KIAA1549L: variants seen among roughly 807,000 people sequenced by gnomAD.
KIAA1549L encodes UPF0606 protein KIAA1549L.
A neutral mutation model predicts 160.7 loss-of-function variants in KIAA1549L; 88 were observed. The observed-to-expected ratio is 0.55, with a 90% CI of 0.46 to 0.65. KIAA1549L has a LOEUF of 0.65. KIAA1549L is among the 30% of genes least tolerant of loss of function. The probability of loss-of-function intolerance (pLI) is 0.00; values close to 1 mark genes in which losing one functional copy is unlikely to be tolerated. For missense variants in KIAA1549L, 2,258 were observed against 2,437.5 expected (o/e 0.93, Z 1.55); for synonymous variants, 950 against 976.7 (o/e 0.97, Z 0.51).
intron 10 of KIAA1549L, among the ~76,000 whole-genome samples, chr11:33,582,387 G>A (rs1294628526): frequency 6.6e-6 from 1 of 152,134 alleles, no homozygotes; most frequent in African/African-American, 2.4e-5. Flanking sequence ...ATATTCTAGG[G>A]TCTGGGCCTC....
chr11:33,576,223 C>T (rs1855442903), intron 10 of KIAA1549L, among the ~76,000 whole-genome samples: 1 of 152,172 alleles, frequency 6.6e-6, no homozygotes, highest in African/African-American at 2.4e-5. Flanking sequence ...TGACACCTGG[C>T]TCATGGTCTT....
chr11:33,521,287 G>A (rs916806881), intron 1 of KIAA1549L, among the ~76,000 whole-genome samples: 1 of 152,210 alleles, frequency 6.6e-6, no homozygotes, highest in Non-Finnish European at 1.5e-5. Context: ...GGATACAGTT[G>A]CGGTTAAGAA....
At chr11:33,463,595 C>T (rs1341597856) in intron 1 of KIAA1549L, among the ~76,000 whole-genome samples, 1 of 152,126 alleles carries the variant, frequency 6.6e-6, no homozygotes, top group Non-Finnish European at 1.5e-5. Context: ...GAAAAAGTGG[C>T]TTGAAATAAA....
At chr11:33,598,773 C>T in intron 12 of KIAA1549L, 47 bp from the exon 13 acceptor site, 1 of 1,610,326 alleles carries the variant, frequency 6.2e-7, no homozygotes. Flanking sequence ...GAGGCGGCTG[C>T]TCTAGTTGAA....
Position 33,452,468 on chromosome 11 carries a change from C to T in KIAA1549L, c.238+75579C>T, listed in dbSNP as rs572283966. Among the ~76,000 whole-genome samples the T allele has an allele frequency of 9.7e-4, 147 of 152,138 alleles. 1 individual carries two copies. The highest frequency in any genetic ancestry group is 3.4e-3 in the Middle Eastern group (1 of 294). ...TAAAAATACAAAAAAATTAGCCAGGCGTAGTGGCGGGCAGCTGTAGTCCCA... is the reference window on the plus strand; with the variant it reads ...TAAAAATACAAAAAAATTAGCCAGGTGTAGTGGCGGGCAGCTGTAGTCCCA... On this transcript the variant is annotated intron_variant, in intron 1 of 20. Coordinates refer to ENST00000658780, the MANE Select transcript of KIAA1549L (RefSeq NM_012194.3).
At chr11:33,496,878 T>C (rs1852833335) in intron 1 of KIAA1549L, among the ~76,000 whole-genome samples, 2 of 152,208 alleles carry the variant, frequency 1.3e-5, no homozygotes, top group South Asian at 4.1e-4. Context: ...TGTATAATTC[T>C]TCCCTTTGCA....
At chr11:33,608,874 T>C (rs1289502360) in intron 14 of KIAA1549L, among the ~76,000 whole-genome samples, 1 of 152,224 alleles carries the variant, frequency 6.6e-6, no homozygotes, top group African/African-American at 2.4e-5. Context: ...TCTTCCTCCT[T>C]CTATTGTGGG....
At chr11:33,648,078 T>G (rs1851776280) in intron 17 of KIAA1549L, among the ~76,000 whole-genome samples, 1 of 152,176 alleles carries the variant, frequency 6.6e-6, no homozygotes, top group South Asian at 2.1e-4. Context: ...CACTGCAACC[T>G]CTGCCTCCCA....
At chr11:33,538,188 C>T (rs1853935726) in intron 1 of KIAA1549L, among the ~76,000 whole-genome samples, 1 of 152,214 alleles carries the variant, frequency 6.6e-6, no homozygotes, top group Admixed American at 6.5e-5. Context: ...AGAACTCACT[C>T]ACTATCCTGA....
At chr11:33,632,200 T>A (rs1268319725) in intron 16 of KIAA1549L, among the ~76,000 whole-genome samples, 1 of 152,212 alleles carries the variant, frequency 6.6e-6, no homozygotes, top group Non-Finnish European at 1.5e-5. Flanking sequence ...TTCCTCTGCA[T>A]TATACACAGG....
chr11:33,502,052 A>G (rs1852961823), intron 1 of KIAA1549L, among the ~76,000 whole-genome samples: 2 of 152,190 alleles, frequency 1.3e-5, no homozygotes, highest in African/African-American at 4.8e-5. Flanking sequence ...GAATTCAGAA[A>G]CTTAGGAGAG....
Position 33,568,094 on chromosome 11 carries a change from A to G in KIAA1549L, c.4097A>G (p.Asn1366Ser), listed in dbSNP as rs1219409994. The change falls in exon 9 of 21, where the codon AAT (asparagine) becomes AGT (serine). Residue 1366 changes from asparagine (N) to serine (S), a missense_variant. Around this residue, in one of 6 missense-constraint regions of KIAA1549L, gnomAD observed 1,359 missense variants for 1,546.6 expected, o/e 0.88. Transcript: ENST00000658780. ...WVITVLQGVD[N>S]SLVGLHNQSF... ...TCCACAGTGCTGCAGGGTGTGGACA[A>G]TTCGCTGGTGGGCCTGCACAACCAG... The G allele has an allele frequency of 1.9e-6, 3 of 1,611,452 alleles. No homozygotes were observed. The highest frequency in any genetic ancestry group is 1.3e-5 in the African/African-American group (1 of 74,870).
intron 11 of KIAA1549L, among the ~76,000 whole-genome samples, chr11:33,586,000 G>A (rs1300545119): frequency 6.6e-6 from 1 of 152,212 alleles, no homozygotes; most frequent in Non-Finnish European, 1.5e-5. Context: ...AAACCAGCAG[G>A]GTGGAACTGC....
At chr11:33,648,104 C>T (rs528741425) in intron 17 of KIAA1549L, among the ~76,000 whole-genome samples, 1 of 152,238 alleles carries the variant, frequency 6.6e-6, no homozygotes, top group Non-Finnish European at 1.5e-5. Flanking sequence ...AAGCAATTCT[C>T]GTGCCTCAGC....
intron 1 of KIAA1549L, among the ~76,000 whole-genome samples, chr11:33,480,209 A>G (rs893025491): frequency 2.0e-5 from 3 of 152,176 alleles, no homozygotes; most frequent in Non-Finnish European, 4.4e-5. Context: ...CTCTTCCCCA[A>G]AAGAAACCCT....
At chr11:33,570,174 T>A (rs1855201883) in intron 9 of KIAA1549L, among the ~76,000 whole-genome samples, 1 of 152,076 alleles carries the variant, frequency 6.6e-6, no homozygotes, top group African/African-American at 2.4e-5. Context: ...TAGCTAGTTT[T>A]TGTATTTTTA....
At chr11:33,578,980 C>A (rs184910192) in intron 10 of KIAA1549L, among the ~76,000 whole-genome samples, 1 of 152,310 alleles carries the variant, frequency 6.6e-6, no homozygotes, top group Admixed American at 6.5e-5. Context: ...AAGGAACCAC[C>A]CTTCACCAGA....
chr11:33,398,950 GTTT>G (rs71034680), intron 1 of KIAA1549L, among the ~76,000 whole-genome samples: 131 of 140,026 alleles, frequency 9.4e-4, no homozygotes, highest in African/African-American at 2.0e-3. Context: ...TCCAGTGAGT[GTTT>G]TTTTTTTTTT....
At chr11:33,481,807 T>C (rs113628606) in intron 1 of KIAA1549L, among the ~76,000 whole-genome samples, 4,980 of 152,334 alleles carry the variant, frequency 0.033, 150 homozygotes, top group South Asian at 0.09. Context: ...CTTAATGATA[T>C]TGGATTAATT....
Sources: allele counts gnomAD v4.1 joint callset (sites outside exome capture counted in the v4.1 genomes callset), GRCh38; gene constraint gnomAD v4.1.1; regional missense constraint gnomAD v4.1.1; transcripts MANE v1.5; gene names NCBI Gene and HGNC (gene_info 2026-07-23, HGNC 2026-07-21).